The following DDX54 variants were observed in gnomAD, a reference collection of about 807,000 sequenced individuals.
The protein encoded by DDX54 is ATP-dependent RNA helicase DDX54.
DDX54 carries 67 observed loss-of-function variants against 105.5 expected under a neutral mutation model. The ratio of observed to expected loss-of-function variants is 0.64; its 90% CI spans 0.52 to 0.78. The LOEUF (loss-of-function observed/expected upper bound fraction) is 0.78, where lower values mean the gene tolerates loss of function less well. Among genes scored for constraint, DDX54 ranks in the 30% least tolerant of loss-of-function variants. The pLI is 0.00. For synonymous variants in DDX54, 514 were observed against 509.9 expected (o/e 1.01, Z -0.11); for missense variants, 1,206 against 1,230.5 (o/e 0.98, Z 0.30).
At chr12:113,172,319 C>T (rs1237299055) in intron 11 of DDX54, 34 bp downstream of exon 11, 1 of 1,600,674 alleles carries the variant, frequency 6.2e-7, no homozygotes, top group Non-Finnish European at 8.5e-7. Context: ...TCCGGCACCC[C>T]TGCCTGCCCC....
chr12:113,165,230 C>T (rs971315817), intron 14 of DDX54, among the ~76,000 whole-genome samples: 1 of 152,178 alleles, frequency 6.6e-6, no homozygotes, highest in Non-Finnish European at 1.5e-5. Context: ...TGTGCATCCC[C>T]TTCCATATGC....
chr12:113,165,985 C>T lies in DDX54; in HGVS notation c.1462G>A (p.Val488Met), dbSNP rs770649106. Residue 488 changes from valine to methionine, a missense_variant, in exon 13 of 20, where the codon GTG (valine) becomes ATG (methionine). This residue lies in a region of DDX54 where 961 missense variants were observed against 1,019.1 expected (regional missense o/e 0.94). Transcript: ENST00000306014. Reference sequence around the variant, plus strand: ...TGCAGACCACTGTCCTCCTCGTCCACCACACTCTGTGGCACCCGACCCAGC... The same window carrying T: ...TGCAGACCACTGTCCTCCTCGTCCATCACACTCTGTGGCACCCGACCCAGC... Reference protein sequence around the residue: ...GMLGRVPQSVVDEEDSGLQST... With the variant: ...GMLGRVPQSVMDEEDSGLQST... 5.6e-5 allele frequency: 90 copies of T among 1,612,324 alleles called. 1 individual carries two copies. The highest frequency in any genetic ancestry group is 3.3e-4 in the Middle Eastern group (2 of 6,052).
At position 113,163,046 on chromosome 12, in the gene DDX54, C is replaced by A; in HGVS notation, c.2082-1G>T. On this transcript the variant is annotated splice_acceptor_variant, in intron 16 of 19. Transcript: ENST00000306014. LOFTEE classifies it high-confidence loss of function. This position sits in a 1 kb window ranked among gnomAD's most constrained non-coding sequence, Gnocchi z 5.9. ...TCCCCCTTCCCCGCTGATGCTCAGG[C>A]TGCAGAGGGAGAGTGGGAGACATAA... 2 of 1,608,832 alleles carry A rather than the reference C, an allele frequency of 1.2e-6. No individual in the cohort carries two copies. Among genetic ancestry groups the A allele is most frequent in the South Asian group, 1.1e-5 (1 of 90,702 alleles).
In DDX54 at chr12:113,169,820, A is replaced by T. The variant is rs1341941005; in HGVS notation, c.1364T>A (p.Leu455Gln). The change falls in exon 12 of 20, where the codon CTG becomes CAG. Residue 455 changes from leucine to glutamine, a missense_variant. Leu to Gln is a moderately radical substitution (Grantham distance 113). Around this residue, in one of 3 missense-constraint regions of DDX54, gnomAD observed 961 missense variants for 1,019.1 expected, o/e 0.94. Coordinates refer to ENST00000306014, the MANE Select transcript of DDX54 (RefSeq NM_024072.4). ...DEIPYLLDLHLFLGRSLTLAR... is the reference protein window; with the variant it reads ...DEIPYLLDLHQFLGRSLTLAR... ...GAGGGTGAGGGAGCGGCCCAGGAACAGGTGCAGATCCAGCAGGTAGGGGAT... is the reference window on the plus strand; with the variant it reads ...GAGGGTGAGGGAGCGGCCCAGGAACTGGTGCAGATCCAGCAGGTAGGGGAT... 2 of 1,614,014 alleles carry T rather than the reference A, an allele frequency of 1.2e-6. No individual in the cohort carries two copies. The highest frequency in any genetic ancestry group is 2.7e-5 in the African/African-American group (2 of 74,922).
intron 7 of DDX54, 114 bp from the exon 8 acceptor site, chr12:113,175,271 T>A: frequency 7.2e-7 from 1 of 1,396,156 alleles, no homozygotes; most frequent in Non-Finnish European, 9.5e-7. Flanking sequence ...TGCCTCACTC[T>A]AACTCAGCCC....
At chr12:113,176,363 T>C (rs1012314954) in intron 7 of DDX54, among the ~76,000 whole-genome samples, 8 of 148,248 alleles carry the variant, frequency 5.4e-5, no homozygotes, top group Admixed American at 2.0e-4. Context: ...AGGTCAGGAG[T>C]TTAAGACCAG....
chr12:113,165,742 A>C, intron 13 of DDX54, 25 bp from the exon 14 acceptor site: 1 of 1,610,580 alleles, frequency 6.2e-7, no homozygotes, highest in Non-Finnish European at 8.5e-7. Flanking sequence ...GCAAGGTGTG[A>C]GGCTGTGGGT....
chr12:113,181,712 C>T (rs1488336980), intron 1 of DDX54, among the ~76,000 whole-genome samples: 1 of 152,088 alleles, frequency 6.6e-6, no homozygotes, highest in East Asian at 1.9e-4. Flanking sequence ...AGCCGCCAAC[C>T]AATCTCCTTT....
intron 12 of DDX54, among the ~76,000 whole-genome samples, chr12:113,169,292 C>T (rs965731365): frequency 6.6e-6 from 1 of 152,142 alleles, no homozygotes; most frequent in Non-Finnish European, 1.5e-5. Flanking sequence ...CACTGCACTC[C>T]AGCCTGAGCA....
chr12:113,173,271 CACTT>C (rs1335653806), intron 10 of DDX54, among the ~76,000 whole-genome samples: 1 of 152,280 alleles, frequency 6.6e-6, no homozygotes, highest in Admixed American at 6.5e-5. Context: ...GTGGGTGGAT[CACTT>C]GAGCCCAGGA....
rs372427708 is a variant in DDX54 at position 113,160,979 on chromosome 12, T to C, written c.2413+291A>G. Among the ~76,000 whole-genome samples the C allele has an allele frequency of 1.5e-4, 23 of 152,102 alleles. 1 individual carries two copies. Among genetic ancestry groups the C allele is most frequent in the Admixed American group, 1.0e-3 (16 of 15,286 alleles). On this transcript the variant is annotated intron_variant, in intron 19 of 19. Coordinates refer to ENST00000306014, the MANE Select transcript of DDX54 (RefSeq NM_024072.4). Reference sequence around the variant, plus strand: ...GAAGTTATCCCTGTAGCTTCATCTGTGAAGTGGAAGGGGGTCGGGGACAAG... The same window carrying C: ...GAAGTTATCCCTGTAGCTTCATCTGCGAAGTGGAAGGGGGTCGGGGACAAG...
intron 1 of DDX54, 79 bp downstream of exon 1, chr12:113,185,199 C>T: frequency 7.1e-7 from 1 of 1,415,812 alleles, no homozygotes; most frequent in African/African-American, 1.5e-5. Context: ...CAATCCCCAG[C>T]TGGGGAAACT....
rs913192700 is a variant in DDX54 at position 113,179,393 on chromosome 12, G to A, written c.376-62C>T. The A allele has an allele frequency of 2.6e-6, 4 of 1,566,494 alleles. No homozygotes were observed. The East Asian group carries it at 9.1e-5, about 36-fold the overall frequency. ...CTCCCCAAACACCATGTGATCCAGA[G>A]CTTCAAGGCCCTGAGGAGTGGGCAT... On this transcript the variant is annotated intron_variant, in intron 3 of 19. Coordinates refer to ENST00000306014, the MANE Select transcript of DDX54 (RefSeq NM_024072.4).
Position 113,185,270 on chromosome 12 carries a change from G to A in DDX54, c.174+8C>T. On this transcript the variant is annotated splice_region_variant and intron_variant, in intron 1 of 19. Transcript: ENST00000306014. The stretch of plus-strand genomic sequence containing the variant: ...GCCCGAACATGCGTCCCAGCCCCAC[G>A]CGCCTACCTTCCGGGCCCGGGCGTC... 1.3e-6 allele frequency: 2 copies of A among 1,547,904 alleles called. No individual in the cohort carries two copies. The highest frequency in any genetic ancestry group is 1.7e-6 in the Non-Finnish European group (2 of 1,150,084).
chr12:113,185,039 G>T (rs961122421), intron 1 of DDX54, among the ~76,000 whole-genome samples: 1 of 152,164 alleles, frequency 6.6e-6, no homozygotes, highest in Admixed American at 6.5e-5. Flanking sequence ...ACCAAAACCC[G>T]GCAGGAAGGC....
chr12:113,178,250 AAAAAAC>A (rs1378659377), intron 5 of DDX54, among the ~76,000 whole-genome samples: 2 of 152,332 alleles, frequency 1.3e-5, no homozygotes, highest in African/African-American at 2.4e-5. Flanking sequence ...ATAAACAAAC[AAAAAAC>A]AAAAACAAAA....
chr12:113,163,963 T>G lies in DDX54; in HGVS notation c.1938+104A>C, dbSNP rs1037569979. Reference sequence around the variant, plus strand: ...AGATGGGAAGCTGACTGCATCCACCTCCATCCACTGCTCAAAGATCCTAGG... The same window carrying G: ...AGATGGGAAGCTGACTGCATCCACCGCCATCCACTGCTCAAAGATCCTAGG... On this transcript the variant is annotated intron_variant, in intron 15 of 19. Transcript: ENST00000306014. This position sits in a 1 kb window ranked among gnomAD's most constrained non-coding sequence, Gnocchi z 5.9. 3.5e-6 allele frequency: 5 copies of G among 1,439,676 alleles called. No individual in the cohort carries two copies. The highest frequency in any genetic ancestry group is 4.6e-6 in the Non-Finnish European group (5 of 1,096,964). 89.2% of individuals were successfully genotyped at this position (1,439,676 alleles called of 1,614,324 possible).
intron 3 of DDX54, among the ~76,000 whole-genome samples, 154 bp downstream of exon 3, chr12:113,179,781 C>A (rs908013929): frequency 1.3e-5 from 2 of 152,202 alleles, no homozygotes; most frequent in African/African-American, 2.4e-5. Context: ...CCAACCTTCT[C>A]CACCTAGGAA....
chr12:113,168,533 G>A (rs536265898), intron 12 of DDX54, among the ~76,000 whole-genome samples: 1 of 152,386 alleles, frequency 6.6e-6, no homozygotes, highest in South Asian at 2.1e-4. Flanking sequence ...CCGGGAACCA[G>A]CAGGACTGCA....
Sources: allele counts gnomAD v4.1 joint callset (sites outside exome capture counted in the v4.1 genomes callset), GRCh38; gene constraint gnomAD v4.1.1; regional missense constraint gnomAD v4.1.1; non-coding constraint Gnocchi (gnomAD v3.1); transcripts MANE v1.5; gene names NCBI Gene and HGNC (gene_info 2026-07-23, HGNC 2026-07-21).